GALNTL6: variants seen among roughly 807,000 people sequenced by gnomAD.
The protein encoded by GALNTL6 is polypeptide N-acetylgalactosaminyltransferase like 6, also known as polypeptide N-acetylgalactosaminyltransferase-like 6.
A neutral mutation model predicts 73.7 loss-of-function variants in GALNTL6; 46 were observed. The observed-to-expected ratio is 0.62, with a 90% CI of 0.49 to 0.80. The LOEUF (loss-of-function observed/expected upper bound fraction) is 0.80, where lower values mean the gene tolerates loss of function less well. Ranked by LOEUF, GALNTL6 falls within the 30% of genes least tolerant of loss-of-function variation. GALNTL6 has a pLI of 0.00. For synonymous variants in GALNTL6, 259 were observed against 263.7 expected (o/e 0.98, Z 0.17); for missense variants, 604 against 755.0 (o/e 0.80, Z 2.34).
chr4:172,728,078 A>G (rs1735930821), intron 5 of GALNTL6, among the ~76,000 whole-genome samples: 1 of 151,954 alleles, frequency 6.6e-6, no homozygotes, highest in African/African-American at 2.4e-5. Flanking sequence ...ACGCCTGGCT[A>G]ATTTTTTGTA....
Position 172,885,188 on chromosome 4 carries a change from A to C in GALNTL6, c.1041+2281A>C, listed in dbSNP as rs185594137. On this transcript the variant is annotated intron_variant, in intron 8 of 12. Transcript: ENST00000506823. ...TCATTGGTAATTTGACATGGATTAC[A>C]TTAATTATTTAGATCATTTCTGGTA... Among the ~76,000 whole-genome samples the C allele has an allele frequency of 3.1e-4, 47 of 152,262 alleles. No individual in the cohort carries two copies. In the East Asian group the frequency reaches 4.6e-3, roughly 15 times the overall value.
intron 5 of GALNTL6, among the ~76,000 whole-genome samples, chr4:172,613,600 G>GA (rs35786325): frequency 0.33 from 49,927 of 151,936 alleles, 8,915 homozygotes; most frequent in Middle Eastern, 0.48. Context: ...TTTAAAAAAG[G>GA]AAAAACCTAT....
At chr4:171,914,727 T>C (rs1737567520) in intron 2 of GALNTL6, among the ~76,000 whole-genome samples, 2 of 150,782 alleles carry the variant, frequency 1.3e-5, no homozygotes, top group African/African-American at 4.9e-5. Context: ...AAAATGTACA[T>C]ATTTATGAAT....
intron 2 of GALNTL6, among the ~76,000 whole-genome samples, chr4:172,065,567 A>T (rs77545449): frequency 7.2e-5 from 11 of 152,264 alleles, no homozygotes; most frequent in Non-Finnish European, 1.5e-4. Flanking sequence ...TGAAAAAAAA[A>T]GACTAATTTT....
At chr4:172,107,767 A>G (rs1364713575) in intron 2 of GALNTL6, among the ~76,000 whole-genome samples, 2 of 151,936 alleles carry the variant, frequency 1.3e-5, no homozygotes, top group Non-Finnish European at 2.9e-5. Context: ...CATGGCACAT[A>G]TATACATATG....
chr4:172,558,532 G>T (rs901910915), intron 5 of GALNTL6, among the ~76,000 whole-genome samples: 1 of 152,126 alleles, frequency 6.6e-6, no homozygotes. Flanking sequence ...CAGAGAGAAG[G>T]TGGCCATCTG....
At chr4:172,258,652 A>C (rs1163525505) in intron 3 of GALNTL6, among the ~76,000 whole-genome samples, 1 of 151,194 alleles carries the variant, frequency 6.6e-6, no homozygotes, top group Non-Finnish European at 1.5e-5. Flanking sequence ...TTGTTTACAC[A>C]GATAAGTTCT....
chr4:171,945,034 T>G (rs184682374), intron 2 of GALNTL6, among the ~76,000 whole-genome samples: 110 of 152,174 alleles, frequency 7.2e-4, no homozygotes, highest in African/African-American at 2.6e-3. Flanking sequence ...AAGTCATACC[T>G]AGGTAAATGC....
chr4:172,842,648 T>A (rs1743273559), intron 7 of GALNTL6, among the ~76,000 whole-genome samples: 1 of 151,904 alleles, frequency 6.6e-6, no homozygotes, highest in African/African-American at 2.4e-5. Context: ...CTTTGGCCCA[T>A]GAGTAATTGA....
chr4:172,729,565 G>T (rs1736029203), intron 5 of GALNTL6, among the ~76,000 whole-genome samples: 1 of 152,188 alleles, frequency 6.6e-6, no homozygotes, highest in East Asian at 1.9e-4. Context: ...TTTATATCTG[G>T]ATTCTCTATT....
At chr4:171,843,942 C>T (rs1048238287) in intron 2 of GALNTL6, among the ~76,000 whole-genome samples, 1 of 152,054 alleles carries the variant, frequency 6.6e-6, no homozygotes, top group Non-Finnish European at 1.5e-5. Context: ...GAACAAAACT[C>T]CTTTCTATAA....
At chr4:172,854,200 C>T (rs1478112835) in intron 7 of GALNTL6, among the ~76,000 whole-genome samples, 2 of 152,164 alleles carry the variant, frequency 1.3e-5, no homozygotes, top group Non-Finnish European at 2.9e-5. Flanking sequence ...TCCTCGTTGA[C>T]ACCTTCCCAT....
intron 11 of GALNTL6, among the ~76,000 whole-genome samples, chr4:173,010,748 C>A (rs573359241): frequency 6.6e-6 from 1 of 151,410 alleles, no homozygotes; most frequent in Non-Finnish European, 1.5e-5. Context: ...GCACACACCA[C>A]CATGCCCAGC....
chr4:171,863,269 CAT>C (rs1007357204), intron 2 of GALNTL6, among the ~76,000 whole-genome samples: 1 of 152,216 alleles, frequency 6.6e-6, no homozygotes, highest in African/African-American at 2.4e-5. Flanking sequence ...AATCAATAAA[CAT>C]ATTTTTTATG....
chr4:172,816,189 A>G (rs1369408870), intron 7 of GALNTL6, among the ~76,000 whole-genome samples: 1 of 152,232 alleles, frequency 6.6e-6, no homozygotes, highest in Non-Finnish European at 1.5e-5. Flanking sequence ...AAAGGCTAGG[A>G]AGAAGGGAAA....
chr4:172,513,782 G>A (rs1200287984), intron 5 of GALNTL6, among the ~76,000 whole-genome samples: 1 of 152,224 alleles, frequency 6.6e-6, no homozygotes, highest in Non-Finnish European at 1.5e-5. Context: ...TCTCTCAGCT[G>A]TGGATACCAG....
chr4:172,405,935 A>G (rs546653274), intron 5 of GALNTL6, among the ~76,000 whole-genome samples: 1 of 152,104 alleles, frequency 6.6e-6, no homozygotes. Context: ...GTCTACAACT[A>G]ATGTGTTAAT....
At chr4:172,848,448 T>C (rs1254560993) in intron 7 of GALNTL6, among the ~76,000 whole-genome samples, 1 of 152,198 alleles carries the variant, frequency 6.6e-6, no homozygotes, top group Non-Finnish European at 1.5e-5. Flanking sequence ...GGAGCTGCTA[T>C]TATAGCCTCA....
chr4:172,130,999 T>A (rs1733474315), intron 2 of GALNTL6, among the ~76,000 whole-genome samples: 1 of 152,110 alleles, frequency 6.6e-6, no homozygotes, highest in Non-Finnish European at 1.5e-5. Context: ...ACAACATTGC[T>A]TATTTTATCT....
Sources: gnomAD v4.1 joint callset for allele counts (sites outside exome capture counted in the v4.1 genomes callset) on GRCh38, gnomAD v4.1.1 for gene constraint, MANE v1.5 for transcripts, NCBI Gene and HGNC (gene_info 2026-07-23, HGNC 2026-07-21) for gene names.